GRAMD1B: variants seen among roughly 807,000 people sequenced by gnomAD.
GRAMD1B encodes the protein protein Aster-B.
Under a neutral mutation model 99.7 loss-of-function variants are expected in GRAMD1B, and 37 were observed. The observed-to-expected ratio is 0.37, with a 90% CI of 0.29 to 0.49. GRAMD1B has a LOEUF of 0.49. Among genes scored for constraint, GRAMD1B ranks in the 20% least tolerant of loss-of-function variants. The pLI is 0.98. For missense variants in GRAMD1B, 888 were observed against 1,009.2 expected (o/e 0.88, Z 1.63); for synonymous variants, 427 against 387.6 (o/e 1.10, Z -1.19).
At chr11:123,563,176 A>G (rs142063783) in intron 2 of GRAMD1B, among the ~76,000 whole-genome samples, 1 of 152,340 alleles carries the variant, frequency 6.6e-6, no homozygotes, top group Non-Finnish European at 1.5e-5. Context: ...GATTTGTTCT[A>G]TGGCTCACAA....
At chr11:123,622,265 C>T (rs1222212511) in intron 19 of GRAMD1B, among the ~76,000 whole-genome samples, 1 of 152,192 alleles carries the variant, frequency 6.6e-6, no homozygotes, top group Non-Finnish European at 1.5e-5. Flanking sequence ...TCAAGTGATC[C>T]TCCCACCTCT....
At chr11:123,573,091 C>T (rs1592072467) in intron 2 of GRAMD1B, among the ~76,000 whole-genome samples, 1 of 150,564 alleles carries the variant, frequency 6.6e-6, no homozygotes, top group African/African-American at 2.4e-5. Flanking sequence ...GCAGGTAGGC[C>T]CCGATGGCTG....
chr11:123,360,373 T>C (rs373955460), intron 1 of GRAMD1B, among the ~76,000 whole-genome samples: 1 of 152,228 alleles, frequency 6.6e-6, no homozygotes, highest in African/African-American at 2.4e-5. Context: ...GCGAGGTTTC[T>C]AGTGTTTGCC....
At chr11:123,577,322 T>G in intron 2 of GRAMD1B, 45 bp from the exon 3 acceptor site, 1 of 1,481,140 alleles carries the variant, frequency 6.8e-7, no homozygotes. Context: ...CCTTTCCTCC[T>G]CCTTCTCTTT....
At chr11:123,504,768 G>A (rs567848398) in intron 2 of GRAMD1B, among the ~76,000 whole-genome samples, 6 of 152,026 alleles carry the variant, frequency 3.9e-5, no homozygotes, top group Admixed American at 1.3e-4. Flanking sequence ...TGCAACCTCC[G>A]CCTACCAGGT....
chr11:123,424,452 C>A (rs1172953711), intron 1 of GRAMD1B, among the ~76,000 whole-genome samples: 1 of 152,054 alleles, frequency 6.6e-6, no homozygotes, highest in Non-Finnish European at 1.5e-5. Flanking sequence ...GACAACATAG[C>A]AAGACCCTGT....
chr11:123,591,223 C>G lies in GRAMD1B; in HGVS notation c.685-2859C>G, dbSNP rs991709970. Reference sequence around the variant, plus strand: ...GAAGCTTCATGCTGGGCATGCAGCTCTAGGAGCAGAAAGGACACCTGTCAG... The same window carrying G: ...GAAGCTTCATGCTGGGCATGCAGCTGTAGGAGCAGAAAGGACACCTGTCAG... On this transcript the variant is annotated intron_variant, in intron 4 of 19. Transcript: ENST00000635736. This position sits in a 1 kb window ranked among gnomAD's most constrained non-coding sequence, Gnocchi z 4.7. 5.1e-6 allele frequency: 2 copies of G among 391,960 alleles called. No individual in the cohort carries two copies. Among genetic ancestry groups the G allele is most frequent in the African/African-American group, 2.1e-5 (1 of 48,544 alleles). 24.3% of individuals were successfully genotyped at this position (391,960 alleles called of 1,614,324 possible).
chr11:123,610,422 A>C lies in GRAMD1B; in HGVS notation c.1919+84A>C. The C allele has an allele frequency of 1.5e-6, 2 of 1,379,258 alleles. No individual in the cohort carries two copies. The highest frequency in any genetic ancestry group is 2.1e-6 in the Non-Finnish European group (2 of 975,380). 85.4% of individuals were successfully genotyped at this position (1,379,258 alleles called of 1,614,324 possible). A position where few individuals can be genotyped will look rare whatever the true frequency, so the allele number is the denominator to read the frequency against. On this transcript the variant is annotated intron_variant, in intron 14 of 19. Transcript: ENST00000635736. The surrounding 1 kb of genome is among the most constrained non-coding windows in gnomAD (Gnocchi z 4.1). Reference sequence around the variant, plus strand: ...CATTTGCTCCTGACGGGGAAGGAGGAGGTGGGGAGTGCTTGGCTGCTGACT... The same window carrying C: ...CATTTGCTCCTGACGGGGAAGGAGGCGGTGGGGAGTGCTTGGCTGCTGACT...
At chr11:123,593,695 G>A (rs1253888241) in intron 4 of GRAMD1B, among the ~76,000 whole-genome samples, 9 of 152,208 alleles carry the variant, frequency 5.9e-5, no homozygotes, top group Admixed American at 5.9e-4. Flanking sequence ...GGGCTGGGCA[G>A]CCTTCTTGGG....
At chr11:123,572,755 T>C (rs1217106341) in intron 2 of GRAMD1B, among the ~76,000 whole-genome samples, 1 of 152,068 alleles carries the variant, frequency 6.6e-6, no homozygotes, top group Admixed American at 6.5e-5. Context: ...CAGACCCCAA[T>C]GGCTGAGGCA....
chr11:123,458,906 C>T (rs890838179), intron 1 of GRAMD1B: 6 of 151,994 alleles, frequency 3.9e-5, no homozygotes, highest in African/African-American at 1.5e-4. Flanking sequence ...GGGGCTAGTC[C>T]TTTGTGCTCC....
intron 2 of GRAMD1B, among the ~76,000 whole-genome samples, chr11:123,565,677 T>C (rs1233532614): frequency 6.6e-6 from 1 of 152,138 alleles, no homozygotes; most frequent in Non-Finnish European, 1.5e-5. Flanking sequence ...AGCAGAGGCC[T>C]GATGGCTGTT....
Position 123,600,601 on chromosome 11 carries a change from C to A in GRAMD1B, c.1050+53C>A. The A allele has an allele frequency of 8.2e-6, 9 of 1,102,706 alleles. No individual in the cohort carries two copies. In the East Asian group the frequency reaches 9.5e-5, roughly 12 times the overall value. 68.3% of individuals were successfully genotyped at this position (1,102,706 alleles called of 1,614,324 possible). ...GTGGGACTGGCTATCTCTAGAGAAG[C>A]CTTTGTCTCCTCAGGGTTCTGGGAA... On this transcript the variant is annotated intron_variant, in intron 8 of 19. Coordinates refer to ENST00000635736, the MANE Select transcript of GRAMD1B (RefSeq NM_001387025.1).
intron 10 of GRAMD1B, among the ~76,000 whole-genome samples, chr11:123,606,406 G>A (rs1016715063): frequency 6.6e-6 from 1 of 152,248 alleles, no homozygotes; most frequent in Non-Finnish European, 1.5e-5. Flanking sequence ...TGGCGAGCGT[G>A]AGAAGTGCAG....
intron 1 of GRAMD1B, among the ~76,000 whole-genome samples, chr11:123,439,678 G>A (rs930739056): frequency 2.6e-5 from 4 of 152,132 alleles, no homozygotes; most frequent in South Asian, 4.1e-4. Context: ...GGCACGTCAC[G>A]GAGGCAGTGC....
rs906484647 is a variant in GRAMD1B at position 123,555,741 on chromosome 11, C to CT, written c.453-21616dup. Among the ~76,000 whole-genome samples the CT allele has an allele frequency of 4.9e-3, 732 of 150,026 alleles. 23 individuals carry two copies. Among genetic ancestry groups the CT allele is most frequent in the Admixed American group, 0.04 (604 of 15,024 alleles). On this transcript the variant is annotated intron_variant, in intron 2 of 19. Transcript: ENST00000635736. ...GTTTTCTCATCAGTTTGATAAAATA[C>CT]TTTTTTTTTTAAAACGGAGTTTTGC...
At chr11:123,545,097 C>T (rs1465351691) in intron 2 of GRAMD1B, among the ~76,000 whole-genome samples, 1 of 152,170 alleles carries the variant, frequency 6.6e-6, no homozygotes, top group East Asian at 1.9e-4. Flanking sequence ...GGCTAAGGGA[C>T]AGAATTGCCT....
intron 2 of GRAMD1B, among the ~76,000 whole-genome samples, chr11:123,514,449 T>A (rs999182140): frequency 2.6e-5 from 4 of 152,194 alleles, no homozygotes; most frequent in African/African-American, 9.7e-5. Context: ...ACGCTGGGAT[T>A]GTCATGAGGA....
At chr11:123,575,904 AT>A (rs1948654992) in intron 2 of GRAMD1B, among the ~76,000 whole-genome samples, 1 of 152,166 alleles carries the variant, frequency 6.6e-6, no homozygotes, top group South Asian at 2.1e-4. Flanking sequence ...TTAAATGCAA[AT>A]TCTGTTTTAG....
Sources: allele counts gnomAD v4.1 joint callset (sites outside exome capture counted in the v4.1 genomes callset), GRCh38; gene constraint gnomAD v4.1.1; non-coding constraint Gnocchi (gnomAD v3.1); transcripts MANE v1.5; gene names NCBI Gene and HGNC (gene_info 2026-07-23, HGNC 2026-07-21).